The following CNOT6 variants were observed in gnomAD, a reference collection of about 807,000 sequenced individuals.
CNOT6 encodes CCR4-NOT transcription complex subunit 6.
A neutral mutation model predicts 61.2 loss-of-function variants in CNOT6; 12 were observed. The ratio of observed to expected loss-of-function variants is 0.20; its 90% CI spans 0.13 to 0.32. CNOT6 has a LOEUF of 0.32. Among genes scored for constraint, CNOT6 ranks in the 10% least tolerant of loss-of-function variants. The pLI is 1.00. For synonymous variants in CNOT6, 225 were observed against 240.6 expected (o/e 0.94, Z 0.60); for missense variants, 405 against 663.9 (o/e 0.61, Z 4.28).
At chr5:180,509,828 GTTT>G (rs10707986) in intron 1 of CNOT6, among the ~76,000 whole-genome samples, 2 of 120,836 alleles carry the variant, frequency 1.7e-5, no homozygotes, top group Non-Finnish European at 3.5e-5. Flanking sequence ...ATACCTTGGT[GTTT>G]TTTTTTTTTT....
chr5:180,575,806 C>T lies in CNOT6; in HGVS notation c.*1606C>T, dbSNP rs185139124. ...AACTGCAGGCAGGGGAGCAAAAGGA[C>T]GCCATGTGAGCATTAGGAAAAAAAA... On this transcript the variant is annotated 3_prime_UTR_variant, in exon 12 of 12. Coordinates refer to ENST00000261951, the MANE Select transcript of CNOT6 (RefSeq NM_001370472.1). The T allele has an allele frequency of 5.3e-5, 8 of 152,156 alleles. No individual in the cohort carries two copies. The highest frequency in any genetic ancestry group is 4.2e-4 in the South Asian group (2 of 4,788). The allele number at this position is 152,156 out of a possible 1,614,324, so 9.4% of individuals were successfully genotyped here.
chr5:180,545,951 A>T (rs1374431099), intron 2 of CNOT6, among the ~76,000 whole-genome samples: 1 of 152,138 alleles, frequency 6.6e-6, no homozygotes, highest in Admixed American at 6.5e-5. Flanking sequence ...ATTATTTGCC[A>T]TCTGTTTATA....
rs1482800656 is a variant in CNOT6, at chr5:180,564,530, C to A, written c.427C>A (p.Pro143Thr). Residue 143 changes from proline to threonine, a missense_variant, in exon 5 of 12, where the codon CCA becomes ACA. Transcript: ENST00000261951. Reference sequence around the variant, plus strand: ...GGATATATTGAACCTTTATCAGGAACCAGATGGAACAAGACGGCTGCTGAA... The same window carrying A: ...GGATATATTGAACCTTTATCAGGAAACAGATGGAACAAGACGGCTGCTGAA... Reference protein sequence around the residue: ...TQDILNLYQEPDGTRRLLNYL... With the variant: ...TQDILNLYQETDGTRRLLNYL... The A allele has an allele frequency of 2.5e-6, 4 of 1,613,874 alleles. No individual in the cohort carries two copies. The highest frequency in any genetic ancestry group is 2.5e-6 in the Non-Finnish European group (3 of 1,179,854).
At chr5:180,560,569 A>G (rs1488166419) in intron 4 of CNOT6, among the ~76,000 whole-genome samples, 1 of 152,126 alleles carries the variant, frequency 6.6e-6, no homozygotes, top group East Asian at 1.9e-4. Flanking sequence ...ATGGCTTATC[A>G]TGACAAATCT....
rs571208816 is a variant in CNOT6, at chr5:180,495,180, T to C, written c.-3+417T>C. Among the ~76,000 whole-genome samples, 133 of 152,314 alleles carry C rather than the reference T, an allele frequency of 8.7e-4. 1 individual carries two copies. Among genetic ancestry groups the C allele is most frequent in the African/African-American group, 3.1e-3 (127 of 41,582 alleles). On this transcript the variant is annotated intron_variant, in intron 1 of 11. Transcript: ENST00000261951. ...GTGGAGTGTGGAGCTTCGCGCTCCG[T>C]GGCCACAATTACTGTCAAGCGGGAA...
intron 7 of CNOT6, among the ~76,000 whole-genome samples, chr5:180,566,388 A>G (rs1329083213): frequency 6.6e-6 from 1 of 152,200 alleles, no homozygotes; most frequent in Non-Finnish European, 1.5e-5. Flanking sequence ...TGCAACTCTC[A>G]TAGTCACTCA....
At chr5:180,560,925 G>A (rs867404437) in intron 4 of CNOT6, among the ~76,000 whole-genome samples, 3 of 148,614 alleles carry the variant, frequency 2.0e-5, no homozygotes, top group Non-Finnish European at 1.5e-5. Flanking sequence ...GTTGTTGGTG[G>A]TGGTGGTGGT....
At chr5:180,538,188 G>A (rs954180159) in intron 2 of CNOT6, among the ~76,000 whole-genome samples, 3 of 151,660 alleles carry the variant, frequency 2.0e-5, no homozygotes, top group South Asian at 4.2e-4. Context: ...ACAGGTGCCC[G>A]CCACAACTGC....
intron 4 of CNOT6, among the ~76,000 whole-genome samples, chr5:180,559,755 CTGTT>C (rs1273883062): frequency 6.6e-6 from 1 of 151,680 alleles, no homozygotes; most frequent in Admixed American, 6.6e-5. Flanking sequence ...TTGAGTGTGT[CTGTT>C]TGTATAGATG....
chr5:180,523,654 T>C (rs1244633267), intron 1 of CNOT6, among the ~76,000 whole-genome samples: 1 of 152,172 alleles, frequency 6.6e-6, no homozygotes, highest in Non-Finnish European at 1.5e-5. Flanking sequence ...TTCACTTTCA[T>C]TTCTTTTCAC....
At position 180,525,431 on chromosome 5, in the gene CNOT6, C is replaced by T. The variant is rs553990142; in HGVS notation, c.-2-3844C>T. 3.1e-4 allele frequency among the ~76,000 whole-genome samples: 47 copies of T among 150,974 alleles called. 1 individual carries two copies. The highest frequency in any genetic ancestry group is 1.1e-3 in the African/African-American group (44 of 41,034). On this transcript the variant is annotated intron_variant, in intron 1 of 11. Transcript: ENST00000261951. ...GCGCATGCCTGTAGTCCCAACTACA[C>T]GGGAGGCTGAGGGGAGGATGGCTTT...
At chr5:180,529,101 T>TG (rs1259232582) in intron 1 of CNOT6, among the ~76,000 whole-genome samples, 174 bp from the exon 2 acceptor site, 2 of 150,428 alleles carry the variant, frequency 1.3e-5, no homozygotes, top group African/African-American at 4.9e-5. Context: ...CCCAGCTACT[T>TG]GGGAGGCTGA....
intron 2 of CNOT6, among the ~76,000 whole-genome samples, chr5:180,549,542 T>A (rs905615756): frequency 6.6e-6 from 1 of 151,698 alleles, no homozygotes; most frequent in African/African-American, 2.4e-5. Context: ...CCCAGCTACT[T>A]GGAGGCTGAG....
intron 1 of CNOT6, among the ~76,000 whole-genome samples, chr5:180,503,640 C>T (rs1192015854): frequency 8.9e-6 from 1 of 112,522 alleles, no homozygotes; most frequent in East Asian, 3.0e-4. Context: ...GAGTCTCAAT[C>T]TGTCATCCAG....
chr5:180,536,696 G>A (rs370887649), intron 2 of CNOT6, among the ~76,000 whole-genome samples: 8 of 152,010 alleles, frequency 5.3e-5, no homozygotes, highest in Admixed American at 2.0e-4. Context: ...CTGCAGCCTC[G>A]ACCTCGTGGG....
rs1176286473 is a variant in CNOT6 at position 180,541,440 on chromosome 5, A to ATTTTTTTTTTTTTTTT, written c.113-8491_113-8490insTTTTTTTTTTTTTTTT. Among the ~76,000 whole-genome samples, 7 of 102,928 alleles carry ATTTTTTTTTTTTTTTT rather than the reference A, an allele frequency of 6.8e-5. 1 individual carries two copies. The highest frequency in any genetic ancestry group is 6.3e-4 in the South Asian group (2 of 3,166). 67.5% of individuals were successfully genotyped at this position (102,928 alleles called of 152,430 possible). ...CATGAACCACCACAACTGGCCAAGA[A>ATTTTTTTTTTTTTTTT]ATTTTTTTTTTTTTTTTTTTTTTTT... On this transcript the variant is annotated intron_variant, in intron 2 of 11. Coordinates refer to ENST00000261951, the MANE Select transcript of CNOT6 (RefSeq NM_001370472.1).
intron 1 of CNOT6, among the ~76,000 whole-genome samples, chr5:180,510,134 CTTTTTTTTTTTTT>C (rs56899929): frequency 0.022 from 822 of 37,386 alleles, 21 homozygotes; most frequent in South Asian, 0.081. Context: ...GTCTGTAAAC[CTTTTTTTTTTTTT>C]TTTTTTTTTT....
intron 1 of CNOT6, among the ~76,000 whole-genome samples, chr5:180,497,204 G>A (rs893591203): frequency 1.3e-5 from 2 of 151,852 alleles, no homozygotes; most frequent in Admixed American, 6.6e-5. Flanking sequence ...GCGCATGCCT[G>A]TAATCCCAGC....
intron 1 of CNOT6, among the ~76,000 whole-genome samples, chr5:180,517,575 C>T (rs1316672546): frequency 6.6e-6 from 1 of 151,444 alleles, no homozygotes; most frequent in Admixed American, 6.6e-5. Flanking sequence ...GAGACAGTCT[C>T]TCTCTTTTGC....
Sources: allele counts gnomAD v4.1 joint callset (sites outside exome capture counted in the v4.1 genomes callset), GRCh38; gene constraint gnomAD v4.1.1; transcripts MANE v1.5; gene names NCBI Gene and HGNC (gene_info 2026-07-23, HGNC 2026-07-21).